The following CXCL13 variants were observed in gnomAD, a reference collection of about 807,000 sequenced individuals.
The protein encoded by CXCL13 is C-X-C motif chemokine 13.
A neutral mutation model predicts 12.2 loss-of-function variants in CXCL13; 7 were observed. That is an observed-to-expected ratio of 0.57 (90% CI 0.33 to 1.07). CXCL13 has a LOEUF of 1.07. CXCL13 is among the 50% of genes least tolerant of loss of function. CXCL13 has a pLI of 0.04. For synonymous variants in CXCL13, 47 were observed against 42.4 expected, an observed-to-expected ratio of 1.11 and a Z score of -0.42; for missense variants, 113 against 127.4, an observed-to-expected ratio of 0.89 and a Z score of 0.55.
chr4:77,570,007 A>C (rs1050869433), intron 1 of CXCL13, among the ~76,000 whole-genome samples: 1 of 152,220 alleles, frequency 6.6e-6, no homozygotes, highest in African/African-American at 2.4e-5. Flanking sequence ...CAAAACTGAC[A>C]AAAACAAGCA....
intron 1 of CXCL13, among the ~76,000 whole-genome samples, chr4:77,580,265 AAGAATAT>A (rs1417513178): frequency 2.0e-5 from 3 of 150,206 alleles, no homozygotes; most frequent in Non-Finnish European, 3.0e-5. Flanking sequence ...TTTTAAAATA[AAGAATAT>A]AGAATATATA....
intron 1 of CXCL13, among the ~76,000 whole-genome samples, chr4:77,553,488 C>T (rs572061093): frequency 1.3e-5 from 2 of 152,348 alleles, no homozygotes; most frequent in African/African-American, 4.8e-5. Flanking sequence ...AGCCTTTCCC[C>T]AGTATAGCTC....
chr4:77,524,793 C>T (rs1182641210), intron 1 of CXCL13, among the ~76,000 whole-genome samples: 5 of 152,218 alleles, frequency 3.3e-5, no homozygotes, highest in Admixed American at 3.3e-4. Flanking sequence ...AGTCCCCTGT[C>T]TTCTGCATTG....
At chr4:77,589,765 A>G (rs3098856) in intron 1 of CXCL13, among the ~76,000 whole-genome samples, 1 of 151,938 alleles carries the variant, frequency 6.6e-6, no homozygotes, top group Non-Finnish European at 1.5e-5. Flanking sequence ...TTTTCTGGAG[A>G]CATGGACATT....
At chr4:77,567,035 T>C (rs150261820) in intron 1 of CXCL13, among the ~76,000 whole-genome samples, 1 of 152,316 alleles carries the variant, frequency 6.6e-6, no homozygotes, top group Non-Finnish European at 1.5e-5. Context: ...TGCGATTTGT[T>C]CCTGCCTCAC....
chr4:77,579,682 C>T (rs1726272539), intron 1 of CXCL13, among the ~76,000 whole-genome samples: 1 of 151,984 alleles, frequency 6.6e-6, no homozygotes, highest in South Asian at 2.1e-4. Context: ...CTGATGAGTG[C>T]CAAGCCCTAG....
chr4:77,541,766 G>C (rs1164060074), intron 1 of CXCL13, among the ~76,000 whole-genome samples: 1 of 152,086 alleles, frequency 6.6e-6, no homozygotes, highest in Admixed American at 6.6e-5. Flanking sequence ...TAAATTGGTA[G>C]CTTAATATGA....
chr4:77,604,789 T>C (rs1319661241), upstream of CXCL13, among the ~76,000 whole-genome samples: 1 of 152,138 alleles, frequency 6.6e-6, no homozygotes, highest in Non-Finnish European at 1.5e-5. Context: ...TGCTAATTGA[T>C]TAGCAAAAAC....
At chr4:77,552,985 C>T (rs377723940) in intron 1 of CXCL13, among the ~76,000 whole-genome samples, 118 of 152,280 alleles carry the variant, frequency 7.7e-4, no homozygotes, top group African/African-American at 1.8e-3. Context: ...ATGAAGAGTG[C>T]GGCTGCTCAG....
intron 1 of CXCL13, among the ~76,000 whole-genome samples, chr4:77,548,264 C>T: frequency 6.6e-6 from 1 of 152,182 alleles, no homozygotes; most frequent in East Asian, 1.9e-4. Context: ...TCCAAACTCT[C>T]CTGCGGCCTA....
At chr4:77,600,782 T>C (rs1726865907) in intron 1 of CXCL13, among the ~76,000 whole-genome samples, 1 of 152,188 alleles carries the variant, frequency 6.6e-6, no homozygotes, top group Non-Finnish European at 1.5e-5. Flanking sequence ...CAATATGCAA[T>C]CTGATTTTGC....
At chr4:77,601,567 G>A (rs1007631300), upstream of CXCL13, among the ~76,000 whole-genome samples, 1 of 152,194 alleles carries the variant, frequency 6.6e-6, no homozygotes, top group African/African-American at 2.4e-5. Flanking sequence ...AGAGAACTCT[G>A]GAGTCATAAT....
intron 1 of CXCL13, among the ~76,000 whole-genome samples, chr4:77,551,155 A>G (rs1203672812): frequency 6.6e-6 from 1 of 152,186 alleles, no homozygotes; most frequent in Non-Finnish European, 1.5e-5. Context: ...TGAAGTTTTC[A>G]TCCTATCATG....
chr4:77,574,996 A>G (rs1726170576), intron 1 of CXCL13, among the ~76,000 whole-genome samples: 1 of 152,010 alleles, frequency 6.6e-6, no homozygotes, highest in Non-Finnish European at 1.5e-5. Context: ...AGAAAAGATA[A>G]TGCTGAAAGT....
chr4:77,538,375 C>A (rs146142762), intron 1 of CXCL13, among the ~76,000 whole-genome samples: 15 of 143,166 alleles, frequency 1.0e-4, no homozygotes, highest in Non-Finnish European at 1.8e-4. Flanking sequence ...CATTATTTAT[C>A]TTGAGGGTGT....
At chr4:77,543,772 A>G (rs1287517702) in intron 1 of CXCL13, among the ~76,000 whole-genome samples, 2 of 151,780 alleles carry the variant, frequency 1.3e-5, no homozygotes, top group Non-Finnish European at 2.9e-5. Flanking sequence ...TTATACTTTA[A>G]TTTCTAGGGC....
At chr4:77,566,847 G>A (rs1725934654) in intron 1 of CXCL13, among the ~76,000 whole-genome samples, 1 of 152,188 alleles carries the variant, frequency 6.6e-6, no homozygotes, top group African/African-American at 2.4e-5. Flanking sequence ...TACTTCTTGA[G>A]TTAGGTTACA....
At chr4:77,530,100 C>T (rs1183493758) in intron 1 of CXCL13, among the ~76,000 whole-genome samples, 1 of 152,134 alleles carries the variant, frequency 6.6e-6, no homozygotes, top group African/African-American at 2.4e-5. Flanking sequence ...ATATGTTGAA[C>T]CAGCCTTGCA....
At chr4:77,563,878 T>C (rs1175782408) in intron 1 of CXCL13, among the ~76,000 whole-genome samples, 4 of 152,212 alleles carry the variant, frequency 2.6e-5, no homozygotes, top group Non-Finnish European at 5.9e-5. Context: ...TCTTCATGTA[T>C]AAAAGTGAGG....
Sources: gnomAD v4.1 joint callset for allele counts (sites outside exome capture counted in the v4.1 genomes callset) on GRCh38, gnomAD v4.1.1 for gene constraint, MANE v1.5 for transcripts, NCBI Gene and HGNC (gene_info 2026-07-23, HGNC 2026-07-21) for gene names.